TENM2: variants seen among roughly 807,000 people sequenced by gnomAD.
TENM2 encodes the protein teneurin-2.
In TENM2, 52 loss-of-function variants were observed where a neutral mutation model predicts 245.2. That is an observed-to-expected ratio of 0.21 (90% CI 0.17 to 0.27). The LOEUF (loss-of-function observed/expected upper bound fraction) is 0.27. Among genes scored for constraint, TENM2 ranks in the 10% least tolerant of loss-of-function variants. TENM2 has a pLI of 1.00. For synonymous variants in TENM2, 1,363 were observed against 1,438.9 expected, an observed-to-expected ratio of 0.95 and a Z score of 1.19; for missense variants, 3,046 against 3,666.8, an observed-to-expected ratio of 0.83 and a Z score of 4.37.
intron 2 of TENM2, among the ~76,000 whole-genome samples, chr5:167,401,137 A>G (rs1262991125): frequency 6.6e-6 from 1 of 152,114 alleles, no homozygotes; most frequent in Non-Finnish European, 1.5e-5. Flanking sequence ...AGAGGAGGGT[A>G]TAAAAAATAA....
chr5:167,535,994 G>T (rs912758593), intron 2 of TENM2, among the ~76,000 whole-genome samples: 2 of 152,226 alleles, frequency 1.3e-5, no homozygotes, highest in East Asian at 3.9e-4. Flanking sequence ...AGTCTACATG[G>T]TTGCATCCAG....
intron 2 of TENM2, among the ~76,000 whole-genome samples, chr5:167,651,070 A>C (rs1322255583): frequency 6.6e-6 from 1 of 152,018 alleles, no homozygotes; most frequent in Non-Finnish European, 1.5e-5. Flanking sequence ...ATTTTATAGG[A>C]AATCATGTCA....
intron 2 of TENM2, among the ~76,000 whole-genome samples, chr5:167,800,989 T>C (rs746786309): frequency 6.0e-5 from 9 of 149,872 alleles, no homozygotes; most frequent in Non-Finnish European, 1.0e-4. Context: ...ACCACTGCCT[T>C]AAAAAAAAGA....
At chr5:167,983,538 C>G (rs1211636733) in intron 4 of TENM2, among the ~76,000 whole-genome samples, 1 of 152,120 alleles carries the variant, frequency 6.6e-6, no homozygotes, top group East Asian at 1.9e-4. Context: ...CCCCTATGAG[C>G]CGAAAGGTTC....
At chr5:168,141,564 T>C (rs947073307) in intron 12 of TENM2, among the ~76,000 whole-genome samples, 1 of 152,190 alleles carries the variant, frequency 6.6e-6, no homozygotes, top group African/African-American at 2.4e-5. Context: ...CAGAAAAGTT[T>C]GGGAAGTGTC....
At chr5:167,143,172 A>C in the TENM2 span, among the ~76,000 whole-genome samples, 1 of 152,224 alleles carries the variant, frequency 6.6e-6, no homozygotes, top group Non-Finnish European at 1.5e-5. Context: ...TTGTGTTTAC[A>C]GGCATGGAAA....
the TENM2 span, among the ~76,000 whole-genome samples, chr5:167,193,637 G>C: frequency 2.2e-4 from 33 of 151,526 alleles, no homozygotes; most frequent in Non-Finnish European, 3.8e-4. Flanking sequence ...TAAATTTGAA[G>C]TTCATACTAT....
At chr5:168,209,522 AC>A (rs1249424032) in intron 19 of TENM2, among the ~76,000 whole-genome samples, 7 of 152,260 alleles carry the variant, frequency 4.6e-5, no homozygotes, top group African/African-American at 1.4e-4. Flanking sequence ...AACCAAATGC[AC>A]CCCAAGTCAA....
At chr5:167,338,994 G>T (rs1297442085) in intron 1 of TENM2, among the ~76,000 whole-genome samples, 3 of 152,156 alleles carry the variant, frequency 2.0e-5, no homozygotes, top group Admixed American at 2.0e-4. Context: ...TGAGGCTTCA[G>T]TATGCCAAGT....
At chr5:167,088,772 A>G in the TENM2 span, among the ~76,000 whole-genome samples, 1 of 152,186 alleles carries the variant, frequency 6.6e-6, no homozygotes, top group Non-Finnish European at 1.5e-5. Flanking sequence ...CTTTGATGGC[A>G]TTGCATAATG....
At chr5:167,644,035 T>C (rs529055881) in intron 2 of TENM2, among the ~76,000 whole-genome samples, 17 of 152,290 alleles carry the variant, frequency 1.1e-4, no homozygotes, top group Admixed American at 9.8e-4. Context: ...TTACATATTG[T>C]CTTTGCTGCA....
At chr5:167,513,532 G>A (rs1177254245) in intron 2 of TENM2, among the ~76,000 whole-genome samples, 1 of 152,042 alleles carries the variant, frequency 6.6e-6, no homozygotes, top group Non-Finnish European at 1.5e-5. Flanking sequence ...CATTACTTAT[G>A]TTTCTAAATG....
intron 2 of TENM2, among the ~76,000 whole-genome samples, chr5:167,781,459 G>A (rs1764182206): frequency 6.6e-6 from 1 of 152,154 alleles, no homozygotes; most frequent in African/African-American, 2.4e-5. Flanking sequence ...AAGGAAGTAG[G>A]CAAGAAATAA....
At chr5:167,860,928 C>G (rs1481857595) in intron 2 of TENM2, among the ~76,000 whole-genome samples, 1 of 123,050 alleles carries the variant, frequency 8.1e-6, no homozygotes, top group Admixed American at 8.4e-5. Flanking sequence ...GGTCCTCTGC[C>G]TAGGAAAACC....
chr5:168,070,374 A>G (rs1790879959), intron 7 of TENM2, among the ~76,000 whole-genome samples: 1 of 152,228 alleles, frequency 6.6e-6, no homozygotes, highest in Non-Finnish European at 1.5e-5. Flanking sequence ...TGTATTCATT[A>G]TAAGTGGCCT....
At chr5:167,445,367 A>AGAGAGAGAGAGAGAGAGAGAGAGAGAGG (rs1281668446) in intron 2 of TENM2, among the ~76,000 whole-genome samples, 1 of 98,070 alleles carries the variant, frequency 1.0e-5, no homozygotes, top group Non-Finnish European at 2.3e-5. Flanking sequence ...AGAGAGAGAG[A>AGAGAGAGAGAGAGAGAGAGAGAGAGAGG]GAGTGTCAGG....
At chr5:168,232,040 T>C (rs1764970571) in intron 25 of TENM2, among the ~76,000 whole-genome samples, 1 of 152,136 alleles carries the variant, frequency 6.6e-6, no homozygotes, top group South Asian at 2.1e-4. Context: ...TACTCCAGCC[T>C]GGGCAACAGA....
intron 2 of TENM2, among the ~76,000 whole-genome samples, chr5:167,749,495 G>A (rs13165549): frequency 0.049 from 7,411 of 152,080 alleles, 260 homozygotes; most frequent in South Asian, 0.073. Flanking sequence ...AAAATCAGCC[G>A]GGTGTGGTGG....
chr5:168,142,605 G>C (rs1235976553), intron 12 of TENM2, among the ~76,000 whole-genome samples: 1 of 152,226 alleles, frequency 6.6e-6, no homozygotes, highest in Non-Finnish European at 1.5e-5. Context: ...GATAGATAAA[G>C]AAGGTAGTTG....
Sources: gnomAD v4.1 joint callset for allele counts (sites outside exome capture counted in the v4.1 genomes callset) on GRCh38, gnomAD v4.1.1 for gene constraint, MANE v1.5 for transcripts, NCBI Gene and HGNC (gene_info 2026-07-23, HGNC 2026-07-21) for gene names.